Variants in BAHCC1 observed in about 807,000 individuals in gnomAD.
BAHCC1 encodes BAH and coiled-coil domain-containing protein 1.
BAHCC1 carries 43 observed loss-of-function variants against 88.2 expected under a neutral mutation model. The observed-to-expected ratio is 0.49, with a 90% CI of 0.38 to 0.63. The LOEUF (loss-of-function observed/expected upper bound fraction) is 0.63, where lower values mean the gene tolerates loss of function less well. Ranked by LOEUF, BAHCC1 falls within the 20% of genes least tolerant of loss-of-function variation. The pLI is 0.00. For synonymous variants in BAHCC1, 1,510 were observed against 745.5 expected (o/e 2.03, Z -16.71); for missense variants, 3,023 against 1,654.8 (o/e 1.83, Z -14.34).
chr17:81,423,014 T>C (rs2064133152), intron 2 of BAHCC1, among the ~76,000 whole-genome samples: 1 of 152,144 alleles, frequency 6.6e-6, no homozygotes, highest in Non-Finnish European at 1.5e-5. Context: ...GCCTGTGGTC[T>C]GGCCCCGGCC....
chr17:81,444,974 C>A (rs1454342352), intron 8 of BAHCC1, 41 bp from the exon 9 acceptor site: 1 of 706,804 alleles, frequency 1.4e-6, no homozygotes, highest in East Asian at 2.6e-5. Flanking sequence ...GGAGCTGTCC[C>A]CTCCCCAGCC....
chr17:81,452,765 C>A lies in BAHCC1; in HGVS notation c.4359C>A (p.Gly1453=). 1.3e-6 allele frequency: 1 copy of A among 744,860 alleles called. No homozygotes were observed. Among genetic ancestry groups the A allele is most frequent in the Admixed American group, 1.9e-5 (1 of 51,908 alleles). The allele number at this position is 744,860 out of a possible 1,614,324, so 46.1% of individuals were successfully genotyped here. A position where few individuals can be genotyped will look rare whatever the true frequency, so the allele number is the denominator to read the frequency against. Residue 1453 remains glycine (G), a synonymous_variant, in exon 14 of 28, where the codon GGC becomes GGA. Coordinates refer to ENST00000675386, the MANE Select transcript of BAHCC1 (RefSeq NM_001377448.1). ...GGAGCCCTGCACGGCGGGGGCCTGGCCGGCCGAGGAAGCGCAAACACTCAA... is the reference window on the plus strand; with the variant it reads ...GGAGCCCTGCACGGCGGGGGCCTGGACGGCCGAGGAAGCGCAAACACTCAA... ...SSRSPARRGP[G]RPRKRKHSSS...
At chr17:81,448,361 C>T (rs1174145835) in intron 11 of BAHCC1, among the ~76,000 whole-genome samples, 1 of 152,122 alleles carries the variant, frequency 6.6e-6, no homozygotes, top group Non-Finnish European at 1.5e-5. Flanking sequence ...TGGGCTCTTC[C>T]GCCCACCCAG....
At chr17:81,396,078 A>G (rs1179689231) in intron 1 of BAHCC1, 6 of 152,206 alleles carry the variant, frequency 3.9e-5, no homozygotes, top group African/African-American at 7.2e-5. Context: ...TGACCCACGA[A>G]CGAACCCCAA....
rs147451011 is a variant in BAHCC1 at position 81,460,906 on chromosome 17, G to A, written c.6243G>A (p.Thr2081=). The A allele has an allele frequency of 2.5e-3, 1,894 of 767,714 alleles. 24 individuals are homozygous for A. The East Asian group carries it at 0.026, about 10-fold the overall frequency. 47.6% of individuals were successfully genotyped at this position (767,714 alleles called of 1,614,324 possible). A position where few individuals can be genotyped will look rare whatever the true frequency, so the allele number is the denominator to read the frequency against. Residue 2081 remains threonine, a synonymous_variant, in exon 26 of 28, where the codon ACG becomes ACA. Coordinates refer to ENST00000675386, the MANE Select transcript of BAHCC1 (RefSeq NM_001377448.1). ...ELLTSGAKSP[T]GASDHFLGRR... is the part of the protein sequence containing the mutation. ...TAACCTCAGGTGCCAAATCCCCCACGGGGGCCTCCGACCACTTCCTGGGCC... is the reference window on the plus strand; with the variant it reads ...TAACCTCAGGTGCCAAATCCCCCACAGGGGCCTCCGACCACTTCCTGGGCC...
rs1356311237 is a variant in BAHCC1 at position 81,463,909 on chromosome 17, C to T, written c.*92C>T. ...GCCACCGGGCAGGAGGCAGCCCCGGCCTCCCAAGGGCGCATCTGAGCAAAT... is the reference window on the plus strand; with the variant it reads ...GCCACCGGGCAGGAGGCAGCCCCGGTCTCCCAAGGGCGCATCTGAGCAAAT... On this transcript the variant is annotated 3_prime_UTR_variant, in exon 28 of 28. Transcript: ENST00000675386. 7.4e-6 allele frequency: 5 copies of T among 680,140 alleles called. No individual in the cohort carries two copies. In the African/African-American group the frequency reaches 8.8e-5, roughly 12 times the overall value. The allele number at this position is 680,140 out of a possible 1,614,324, so 42.1% of individuals were successfully genotyped here. A position where few individuals can be genotyped will look rare whatever the true frequency, so the allele number is the denominator to read the frequency against.
In BAHCC1 at chr17:81,452,075, G is replaced by C. The variant is rs782366744; in HGVS notation, c.4284G>C (p.Glu1428Asp). ...GGCGCTACAAGGAGAAGCAGCGGGA[G>C]CTGGCCCGCCTGCAGCGCAAGCACG... is the stretch of plus-strand genomic sequence containing the variant. ...LQRRYKEKQR[E>D]LARLQRKHDH... The change falls in exon 13 of 28, where the codon GAG (glutamate) becomes GAC (aspartate). Residue 1428 changes from glutamate to aspartate, a missense_variant. Glu to Asp is a conservative substitution (Grantham distance 45, BLOSUM62 2). Coordinates refer to ENST00000675386, the MANE Select transcript of BAHCC1 (RefSeq NM_001377448.1). 1 of 630,028 alleles carries C rather than the reference G, an allele frequency of 1.6e-6. No individual in the cohort carries two copies. The highest frequency in any genetic ancestry group is 1.9e-5 in the South Asian group (1 of 53,352). 39.0% of individuals were successfully genotyped at this position (630,028 alleles called of 1,614,324 possible). A position where few individuals can be genotyped will look rare whatever the true frequency, so the allele number is the denominator to read the frequency against.
intron 27 of BAHCC1, among the ~76,000 whole-genome samples, 185 bp from the exon 28 acceptor site, chr17:81,463,426 G>A (rs1214869859): frequency 1.3e-5 from 2 of 152,074 alleles, no homozygotes; most frequent in Non-Finnish European, 2.9e-5. Context: ...CAGGTTCCTC[G>A]GCCTCTGGAC....
intron 2 of BAHCC1, among the ~76,000 whole-genome samples, chr17:81,403,546 AG>A (rs1412957180): frequency 7.9e-5 from 12 of 152,114 alleles, no homozygotes; most frequent in East Asian, 3.9e-4. Flanking sequence ...AACTTGGCAG[AG>A]GAAAAAAAAA....
Position 81,442,510 on chromosome 17 carries a change from A to G in BAHCC1, c.1161A>G (p.Leu387=), listed in dbSNP as rs782532634. ...CPLQDKAPRD[L]KASGPTFVPS... ...TGCAGGACAAAGCCCCCCGGGACCTAAAGGCCAGCGGGCCCACCTTCGTGC... is the reference window on the plus strand; with the variant it reads ...TGCAGGACAAAGCCCCCCGGGACCTGAAGGCCAGCGGGCCCACCTTCGTGC... The change falls in exon 5 of 28, where the codon CTA becomes CTG. Residue 387 remains leucine, a synonymous_variant. Coordinates refer to ENST00000675386, the MANE Select transcript of BAHCC1 (RefSeq NM_001377448.1). 1.1e-5 allele frequency: 8 copies of G among 721,720 alleles called. No homozygotes were observed. In the East Asian group the frequency reaches 2.0e-4, roughly 18 times the overall value. The allele number at this position is 721,720 out of a possible 1,614,324, so 44.7% of individuals were successfully genotyped here.
chr17:81,421,308 C>G (rs1401322026), intron 2 of BAHCC1, among the ~76,000 whole-genome samples: 1 of 152,268 alleles, frequency 6.6e-6, no homozygotes, highest in African/African-American at 2.4e-5. Context: ...AGCTGAGGCA[C>G]AGGCTCTGTC....
At position 81,451,656 on chromosome 17, in the gene BAHCC1, C is replaced by T; in HGVS notation, c.3977-12C>T. On this transcript the variant is annotated splice_polypyrimidine_tract_variant and intron_variant, in intron 11 of 27. Transcript: ENST00000675386. Reference sequence around the variant, plus strand: ...CCAGTTATGCCCATGCTGACCTTCCCATGCCGCACAGAGGAGGAAGAGGAC... The same window carrying T: ...CCAGTTATGCCCATGCTGACCTTCCTATGCCGCACAGAGGAGGAAGAGGAC... 1.3e-6 allele frequency: 1 copy of T among 772,902 alleles called. No homozygotes were observed. The highest frequency in any genetic ancestry group is 2.4e-6 in the Non-Finnish European group (1 of 416,792). 47.9% of individuals were successfully genotyped at this position (772,902 alleles called of 1,614,324 possible). A position where few individuals can be genotyped will look rare whatever the true frequency, so the allele number is the denominator to read the frequency against.
intron 2 of BAHCC1, among the ~76,000 whole-genome samples, chr17:81,409,656 C>CT (rs1443095839): frequency 6.6e-6 from 1 of 152,164 alleles, no homozygotes; most frequent in Non-Finnish European, 1.5e-5. Context: ...AGGGCTGCCT[C>CT]TCCCCGCCCA....
chr17:81,452,877 G>A (rs782589891), intron 14 of BAHCC1, 26 bp downstream of exon 14: 1 of 716,508 alleles, frequency 1.4e-6, no homozygotes, highest in South Asian at 1.5e-5. Context: ...TGGCATGGCA[G>A]GGCGCGTGTG....
chr17:81,456,263 C>T (rs1196242327), intron 15 of BAHCC1, 34 bp from the exon 16 acceptor site: 2 of 697,320 alleles, frequency 2.9e-6, no homozygotes, highest in Non-Finnish European at 2.6e-6. Context: ...GCAGAGGGCG[C>T]CCTGAGAGTG....
Position 81,465,093 on chromosome 17 carries a change from A to G in BAHCC1, c.*1276A>G, listed in dbSNP as rs957223823. 1 of 152,230 alleles carries G rather than the reference A, an allele frequency of 6.6e-6. No homozygotes were observed. The highest frequency in any genetic ancestry group is 2.4e-5 in the African/African-American group (1 of 41,428). 9.4% of individuals were successfully genotyped at this position (152,230 alleles called of 1,614,324 possible). ...CCCAAACCCCTGGCCTGCTGCGTAGATGGTGGTGAGGCCAGGCCAGCAGTG... is the reference window on the plus strand; with the variant it reads ...CCCAAACCCCTGGCCTGCTGCGTAGGTGGTGGTGAGGCCAGGCCAGCAGTG... On this transcript the variant is annotated 3_prime_UTR_variant, in exon 28 of 28. Coordinates refer to ENST00000675386, the MANE Select transcript of BAHCC1 (RefSeq NM_001377448.1).
rs781965714 is a variant in BAHCC1, at chr17:81,458,417, G to A, written c.5294G>A (p.Arg1765His). ...GAGGGCAGCCAGCTGGCCAGTGAGC[G>A]CCTCAAGAGGGCCACGCGCAAGGGC... ...REEGSQLASE[R>H]LKRATRKGTV... is the part of the protein sequence containing the mutation. The change falls in exon 18 of 28, where the codon CGC becomes CAC. Residue 1765 changes from arginine to histidine, a missense_variant. Coordinates refer to ENST00000675386, the MANE Select transcript of BAHCC1 (RefSeq NM_001377448.1). 2.7e-5 allele frequency: 20 copies of A among 742,318 alleles called. No homozygotes were observed. The highest frequency in any genetic ancestry group is 9.1e-5 in the Admixed American group (5 of 54,910). The allele number at this position is 742,318 out of a possible 1,614,324, so 46.0% of individuals were successfully genotyped here. A position where few individuals can be genotyped will look rare whatever the true frequency, so the allele number is the denominator to read the frequency against.
At chr17:81,446,829 A>G (rs782050435) in intron 10 of BAHCC1, 7 of 681,916 alleles carry the variant, frequency 1.0e-5, no homozygotes, top group Non-Finnish European at 1.3e-5. Context: ...TTGGGATTAC[A>G]GGTGTGAGCT....
At position 81,448,468 on chromosome 17, in the gene BAHCC1, G is replaced by A. The variant is rs545717087; in HGVS notation, c.3976+620G>A. Among the ~76,000 whole-genome samples, 44 of 152,270 alleles carry A rather than the reference G, an allele frequency of 2.9e-4. 1 individual carries two copies. In the South Asian group the frequency reaches 5.4e-3, roughly 19 times the overall value. ...CTTCGTCCACCCTGGGCCTTGGTCC[G>A]GGCACTCCCTGCGGTCCAGTGCTCC... On this transcript the variant is annotated intron_variant, in intron 11 of 27. Coordinates refer to ENST00000675386, the MANE Select transcript of BAHCC1 (RefSeq NM_001377448.1).
Sources: gnomAD v4.1 joint callset for allele counts (sites outside exome capture counted in the v4.1 genomes callset) on GRCh38, gnomAD v4.1.1 for gene constraint, MANE v1.5 for transcripts, NCBI Gene and HGNC (gene_info 2026-07-23, HGNC 2026-07-21) for gene names.